Variants in DST observed in about 807,000 individuals in gnomAD.
DST encodes the protein bullous pemphigoid antigen.
In DST, 253 loss-of-function variants were observed where a neutral mutation model predicts 875.2. That is an observed-to-expected ratio of 0.29 (90% CI 0.26 to 0.32). DST has a LOEUF of 0.32. Ranked by LOEUF, DST falls within the 10% of genes least tolerant of loss-of-function variation. DST has a pLI of 1.00. For missense variants in DST, 8,287 were observed against 9,111.6 expected, an observed-to-expected ratio of 0.91 and a Z score of 3.68; for synonymous variants, 3,124 against 3,197.1, an observed-to-expected ratio of 0.98 and a Z score of 0.77.
At chr6:56,921,117 T>C (rs1211714039) in intron 2 of DST, among the ~76,000 whole-genome samples, 1 of 152,062 alleles carries the variant, frequency 6.6e-6, no homozygotes, top group Non-Finnish European at 1.5e-5. Flanking sequence ...AGAAAGGAAC[T>C]GCTCTTTTAA....
At chr6:56,910,278 T>C (rs995210912) in intron 2 of DST, among the ~76,000 whole-genome samples, 7 of 152,108 alleles carry the variant, frequency 4.6e-5, no homozygotes, top group Non-Finnish European at 1.0e-4. Flanking sequence ...GTGATCCCCC[T>C]TCTTCAGCCT....
intron 47 of DST, among the ~76,000 whole-genome samples, chr6:56,597,158 TGGGCCAGGGAGTTTGAGGC>T (rs1175173909): frequency 1.3e-5 from 2 of 151,794 alleles, no homozygotes; most frequent in Non-Finnish European, 2.9e-5. Flanking sequence ...GAGGATCAAT[TGGGCCAGGGAGTTTGAGGC>T]TGCAGTGAGC....
At chr6:56,844,328 C>G (rs1337884700) in intron 4 of DST, among the ~76,000 whole-genome samples, 1 of 152,176 alleles carries the variant, frequency 6.6e-6, no homozygotes. Flanking sequence ...CCTTCTGCCC[C>G]CCAGAGCCCA....
intron 2 of DST, among the ~76,000 whole-genome samples, chr6:56,901,773 A>G (rs1054463250): frequency 6.6e-6 from 1 of 152,176 alleles, no homozygotes; most frequent in Non-Finnish European, 1.5e-5. Flanking sequence ...GAGTATAAGG[A>G]CAACTCAGAC....
rs1306326928 is a variant in DST, at chr6:56,473,916, T to C, written c.21951A>G (p.Ser7317=). 2.5e-6 allele frequency: 4 copies of C among 1,596,340 alleles called. No individual in the cohort carries two copies. The highest frequency in any genetic ancestry group is 1.7e-4 in the Middle Eastern group (1 of 6,034). ...TYKRRAADPS[S]LQSHIPVLDK... is the part of the protein sequence containing the mutation. ...CCAAGACTGGAATATGGGATTGTAA[T>C]GAGGAAGGATCAGCAGCTCTCCTCT... The change falls in exon 93 of 104, where the codon TCA becomes TCG. Residue 7317 remains serine, a synonymous_variant. Coordinates refer to ENST00000680361, the MANE Select transcript of DST (RefSeq NM_001374736.1).
chr6:56,581,767 T>A (rs753444238), intron 49 of DST, among the ~76,000 whole-genome samples: 1 of 152,232 alleles, frequency 6.6e-6, no homozygotes, highest in Non-Finnish European at 1.5e-5. Flanking sequence ...TCCTTGGCCA[T>A]GGGCCTAGCT....
Position 56,503,401 on chromosome 6 carries a change from A to G in DST, c.19566+596T>C, listed in dbSNP as rs2096200653. Among the ~76,000 whole-genome samples, 3 of 152,056 alleles carry G rather than the reference A, an allele frequency of 2.0e-5. 1 individual carries two copies. In the South Asian group the frequency reaches 6.2e-4, roughly 32 times the overall value. Reference sequence around the variant, plus strand: ...TCAAAATATGTCATGTAACCCATAGATATATACCCCTACAATGTACCCACG... The same window carrying G: ...TCAAAATATGTCATGTAACCCATAGGTATATACCCCTACAATGTACCCACG... On this transcript the variant is annotated intron_variant, in intron 78 of 103. Coordinates refer to ENST00000680361, the MANE Select transcript of DST (RefSeq NM_001374736.1).
chr6:56,906,055 T>C (rs1796269113), intron 2 of DST, among the ~76,000 whole-genome samples: 1 of 152,230 alleles, frequency 6.6e-6, no homozygotes, highest in Non-Finnish European at 1.5e-5. Flanking sequence ...CATATATAAC[T>C]CTTCAAGATC....
intron 95 of DST, 42 bp from the exon 96 acceptor site, chr6:56,470,324 C>A: frequency 2.0e-6 from 3 of 1,499,236 alleles, no homozygotes; most frequent in Non-Finnish European, 2.7e-6. Flanking sequence ...CTTGTTAGTT[C>A]TTTCTCAAGA....
chr6:56,631,527 G>A (rs2098779942), intron 29 of DST, 138 bp from the exon 30 acceptor site: 1 of 739,310 alleles, frequency 1.4e-6, no homozygotes, highest in Non-Finnish European at 2.2e-6. Flanking sequence ...TGTTATCAAA[G>A]AAACTACATC....
At chr6:56,833,301 G>A (rs2099789607) in intron 4 of DST, among the ~76,000 whole-genome samples, 1 of 152,154 alleles carries the variant, frequency 6.6e-6, no homozygotes, top group African/African-American at 2.4e-5. Flanking sequence ...ACTCTAAGAG[G>A]CAACAGTGTG....
Position 56,585,169 on chromosome 6 carries a change from G to A in DST, c.12904-6232C>T, listed in dbSNP as rs1392603019. On this transcript the variant is annotated intron_variant, in intron 49 of 103. Transcript: ENST00000680361. ...GATTGGACTAGTTTCAGAAGGAATG[G>A]TACCAGTTCCTCCTTGTACCTCTGG... Among the ~76,000 whole-genome samples the A allele has an allele frequency of 3.3e-5, 5 of 151,108 alleles. No homozygotes were observed. The South Asian group carries it at 1.0e-3, about 32-fold the overall frequency.
chr6:56,673,720 A>G (rs116659289), intron 9 of DST, among the ~76,000 whole-genome samples: 2,316 of 152,358 alleles, frequency 0.015, 56 homozygotes, highest in African/African-American at 0.052. Context: ...CGATAATTTT[A>G]AAATGCATAT....
intron 2 of DST, among the ~76,000 whole-genome samples, chr6:56,927,744 G>A (rs543785003): frequency 8.8e-4 from 134 of 152,324 alleles, no homozygotes; most frequent in African/African-American, 2.9e-3. Context: ...GAATGCATGA[G>A]TCATTCAGGA....
At chr6:56,794,358 T>TAC (rs2099736159) in intron 4 of DST, among the ~76,000 whole-genome samples, 2 of 152,182 alleles carry the variant, frequency 1.3e-5, no homozygotes, top group African/African-American at 2.4e-5. Context: ...GAAAACACAT[T>TAC]ACGTTGACAG....
intron 9 of DST, among the ~76,000 whole-genome samples, chr6:56,691,084 G>C (rs2099225383): frequency 6.6e-6 from 1 of 152,080 alleles, no homozygotes; most frequent in East Asian, 1.9e-4. Context: ...ATTTTCCATT[G>C]AAGGAAAGGC....
chr6:56,782,563 G>C (rs2099696319), intron 4 of DST, among the ~76,000 whole-genome samples: 1 of 152,076 alleles, frequency 6.6e-6, no homozygotes, highest in Non-Finnish European at 1.5e-5. Context: ...TGGGATTGGT[G>C]GTGATATCCC....
chr6:56,699,572 C>T (rs918261979), intron 9 of DST, 81 bp downstream of exon 9: 2 of 649,506 alleles, frequency 3.1e-6, no homozygotes, highest in Non-Finnish European at 5.3e-6. Context: ...TTCCATAGAA[C>T]ATGAATGCAT....
intron 82 of DST, 64 bp downstream of exon 82, chr6:56,497,315 G>A (rs2095950424): frequency 3.8e-6 from 6 of 1,566,866 alleles, no homozygotes; most frequent in Admixed American, 3.4e-5. Context: ...TGTATCGCCA[G>A]GGCCCATATA....
Sources: gnomAD v4.1 joint callset for allele counts (sites outside exome capture counted in the v4.1 genomes callset) on GRCh38, gnomAD v4.1.1 for gene constraint, MANE v1.5 for transcripts, NCBI Gene and HGNC (gene_info 2026-07-23, HGNC 2026-07-21) for gene names.